CLOCK: variants seen among roughly 807,000 people sequenced by gnomAD.
CLOCK encodes the protein clock circadian regulator.
A neutral mutation model predicts 118.4 loss-of-function variants in CLOCK; 43 were observed. The ratio of observed to expected loss-of-function variants is 0.36; its 90% CI spans 0.28 to 0.47. CLOCK has a LOEUF of 0.47. CLOCK is among the 20% of genes least tolerant of loss of function. The pLI is 1.00. For synonymous variants in CLOCK, 326 were observed against 339.2 expected (o/e 0.96, Z 0.43); for missense variants, 846 against 999.9 (o/e 0.85, Z 2.08).
chr4:55,491,658 G>A (rs1425935726), intron 2 of CLOCK, among the ~76,000 whole-genome samples: 1 of 152,072 alleles, frequency 6.6e-6, no homozygotes, highest in Non-Finnish European at 1.5e-5. Flanking sequence ...GTTCACAGCA[G>A]ATTTATTCAT....
chr4:55,496,858 C>T (rs1218045280), intron 2 of CLOCK, among the ~76,000 whole-genome samples: 2 of 152,126 alleles, frequency 1.3e-5, no homozygotes, highest in African/African-American at 2.4e-5. Context: ...AAGGTTTGTC[C>T]ACCAGTACCC....
intron 2 of CLOCK, among the ~76,000 whole-genome samples, chr4:55,494,517 G>T (rs1727925922): frequency 6.6e-6 from 1 of 152,056 alleles, no homozygotes; most frequent in Non-Finnish European, 1.5e-5. Flanking sequence ...CAAAAAGATG[G>T]CAAGTTAAAG....
intron 17 of CLOCK, 116 bp from the exon 18 acceptor site, chr4:55,448,984 T>C (rs1002668118): frequency 2.4e-6 from 2 of 832,072 alleles, no homozygotes; most frequent in Admixed American, 2.1e-5. Context: ...CCTCATACTT[T>C]TGTTAGCTGA....
intron 4 of CLOCK, among the ~76,000 whole-genome samples, chr4:55,482,308 C>T (rs1285418741): frequency 1.3e-5 from 2 of 152,058 alleles, no homozygotes; most frequent in African/African-American, 4.8e-5. Flanking sequence ...TACCCTTTTC[C>T]CAAGAGTATG....
At chr4:55,539,403 G>A (rs1560487393) in intron 1 of CLOCK, among the ~76,000 whole-genome samples, 2 of 151,646 alleles carry the variant, frequency 1.3e-5, no homozygotes, top group Admixed American at 1.3e-4. Flanking sequence ...ACAAGACCCC[G>A]CCTATACAAA....
At chr4:55,448,223 G>A (rs895932686) in intron 18 of CLOCK, among the ~76,000 whole-genome samples, 7 of 151,816 alleles carry the variant, frequency 4.6e-5, no homozygotes, top group Non-Finnish European at 8.8e-5. Flanking sequence ...TTGTACTGTC[G>A]GCATCTGCAA....
At chr4:55,460,329 G>C (rs1398107788) in intron 9 of CLOCK, among the ~76,000 whole-genome samples, 1 of 152,110 alleles carries the variant, frequency 6.6e-6, no homozygotes, top group Non-Finnish European at 1.5e-5. Context: ...TCCAACTCTA[G>C]CATTTTACGT....
At chr4:55,442,945 C>A (rs1231916761) in intron 20 of CLOCK, among the ~76,000 whole-genome samples, 1 of 152,018 alleles carries the variant, frequency 6.6e-6, no homozygotes, top group African/African-American at 2.4e-5. Context: ...GGGCATTTTT[C>A]TATTTTTCAT....
chr4:55,536,742 T>A (rs184617284), intron 1 of CLOCK, among the ~76,000 whole-genome samples: 1 of 152,288 alleles, frequency 6.6e-6, no homozygotes, highest in East Asian at 1.9e-4. Flanking sequence ...CCCTAGCCTA[T>A]CTGCATAGAA....
At chr4:55,450,339 G>T in intron 15 of CLOCK, 107 bp from the exon 16 acceptor site, 1 of 1,289,268 alleles carries the variant, frequency 7.8e-7, no homozygotes, top group South Asian at 1.2e-5. Context: ...TCTATAACAA[G>T]GCAAAAGTAC....
chr4:55,469,221 G>T (rs1280451302), intron 8 of CLOCK, among the ~76,000 whole-genome samples: 1 of 151,694 alleles, frequency 6.6e-6, no homozygotes, highest in Non-Finnish European at 1.5e-5. Flanking sequence ...TGCCTCCCAG[G>T]TTCAGGCGAT....
chr4:55,495,181 A>G (rs896270513), intron 2 of CLOCK, among the ~76,000 whole-genome samples: 2 of 151,676 alleles, frequency 1.3e-5, no homozygotes, highest in African/African-American at 4.8e-5. Context: ...ATCCCTATAT[A>G]CTCTGTATGT....
At chr4:55,451,400 T>C (rs1425326572) in intron 15 of CLOCK, among the ~76,000 whole-genome samples, 1 of 152,194 alleles carries the variant, frequency 6.6e-6, no homozygotes, top group Non-Finnish European at 1.5e-5. Context: ...ATTACCCCCC[T>C]GTTGTTGATT....
chr4:55,516,206 T>TTATA (rs1160562767), intron 1 of CLOCK, among the ~76,000 whole-genome samples: 1 of 152,230 alleles, frequency 6.6e-6, no homozygotes, highest in East Asian at 1.9e-4. Context: ...TAGATGTCAA[T>TTATA]TATATCAAGT....
intron 1 of CLOCK, among the ~76,000 whole-genome samples, chr4:55,535,115 A>C (rs1008457397): frequency 6.6e-6 from 1 of 151,670 alleles, no homozygotes; most frequent in Admixed American, 6.6e-5. Flanking sequence ...ATTTTTTTGG[A>C]GAGCCAAAGG....
At chr4:55,534,085 T>C (rs1730726373) in intron 1 of CLOCK, among the ~76,000 whole-genome samples, 1 of 152,246 alleles carries the variant, frequency 6.6e-6, no homozygotes, top group East Asian at 1.9e-4. Context: ...TTTTGTACAT[T>C]TGTTTGCCAT....
intron 5 of CLOCK, 56 bp downstream of exon 5, chr4:55,479,584 C>T (rs1427154362): frequency 7.6e-7 from 1 of 1,324,428 alleles, no homozygotes; most frequent in Non-Finnish European, 1.1e-6. Context: ...ATTTATTTAC[C>T]ATTATATTTA....
chr4:55,527,355 A>G (rs570397305), intron 1 of CLOCK, among the ~76,000 whole-genome samples: 6 of 152,302 alleles, frequency 3.9e-5, no homozygotes, highest in South Asian at 2.1e-4. Flanking sequence ...ATACTGTTGT[A>G]TATGTTTAAA....
intron 1 of CLOCK, among the ~76,000 whole-genome samples, chr4:55,542,362 TA>T (rs1386547666): frequency 3.8e-3 from 224 of 58,612 alleles, no homozygotes; most frequent in South Asian, 0.015. Context: ...ATAATAATAA[TA>T]ATAATAATAA....
Sources: allele counts gnomAD v4.1 joint callset (sites outside exome capture counted in the v4.1 genomes callset), GRCh38; gene constraint gnomAD v4.1.1; transcripts MANE v1.5; gene names NCBI Gene and HGNC (gene_info 2026-07-23, HGNC 2026-07-21).